The following ZNF736 variants were observed in gnomAD, a reference collection of about 807,000 sequenced individuals.
ZNF736 encodes the protein zinc finger protein 736.
In ZNF736, 6 loss-of-function variants were observed where a neutral mutation model predicts 11.7. The observed-to-expected ratio is 0.51, with a 90% CI of 0.28 to 1.01. The LOEUF (loss-of-function observed/expected upper bound fraction) is 1.01, where lower values mean the gene tolerates loss of function less well. Ranked by LOEUF, ZNF736 falls within the 50% of genes least tolerant of loss-of-function variation. ZNF736 has a pLI of 0.09. For missense variants in ZNF736, 444 were observed against 496.0 expected, an observed-to-expected ratio of 0.90 and a Z score of 1.00; for synonymous variants, 139 against 164.7, an observed-to-expected ratio of 0.84 and a Z score of 1.19.
chr7:64,348,745 T>C lies in ZNF736; in HGVS notation c.882T>C (p.Tyr294=). Residue 294 remains tyrosine, a synonymous_variant, in exon 4 of 4, where the codon TAT becomes TAC. Transcript: ENST00000423484. ...PYKCEECNKA[Y]RWFSDLAKHK... is the part of the protein sequence containing the mutation. ...AATGTGAAGAATGTAACAAAGCCTA[T>C]AGGTGGTTCTCAGACCTTGCTAAAC... 6.2e-7 allele frequency: 1 copy of C among 1,602,214 alleles called. No individual in the cohort carries two copies. Among genetic ancestry groups the C allele is most frequent in the Non-Finnish European group, 8.5e-7 (1 of 1,174,310 alleles).
In ZNF736 at chr7:64,314,069, CTACTA is replaced by C; in HGVS notation, c.-79_-75del. ...CCGTTCCTGGAGTTCCTCGGTGACT[CTACTA>C]TAGCTTCTGTTATCCTGTGACCTGC... On this transcript the variant is annotated 5_prime_UTR_variant, in exon 1 of 4. The change abolishes the stop of an existing upstream ORF in the 5' untranslated region. Transcript: ENST00000423484. 1 of 1,540,758 alleles carries C rather than the reference CTACTA, an allele frequency of 6.5e-7. No individual in the cohort carries two copies. Among genetic ancestry groups the C allele is most frequent in the Non-Finnish European group, 8.8e-7 (1 of 1,137,498 alleles).
intron 3 of ZNF736, among the ~76,000 whole-genome samples, chr7:64,347,607 T>C (rs1247188496): frequency 6.6e-6 from 1 of 152,190 alleles, no homozygotes; most frequent in East Asian, 1.9e-4. Context: ...TTTCTTCTCT[T>C]GTAACAGTCA....
chr7:64,324,952 C>A (rs994822512), intron 1 of ZNF736, among the ~76,000 whole-genome samples: 4 of 152,138 alleles, frequency 2.6e-5, no homozygotes, highest in African/African-American at 9.7e-5. Flanking sequence ...GCAGCTGTAA[C>A]CTTTGTTTTT....
chr7:64,348,612 A>G lies in ZNF736; in HGVS notation c.749A>G (p.Asn250Ser), dbSNP rs780049860. The change falls in exon 4 of 4, where the codon AAT becomes AGT. Residue 250 changes from asparagine (N) to serine (S), a missense_variant. Coordinates refer to ENST00000423484, the MANE Select transcript of ZNF736 (RefSeq NM_001170905.3). ...TCAACCCTTGTTAAACACAAGAGAA[A>G]TCATACTGGAGACAGACCCTACAAA... Reference protein sequence around the residue: ...CSSTLVKHKRNHTGDRPYKCE... With the variant: ...CSSTLVKHKRSHTGDRPYKCE... The G allele has an allele frequency of 1.9e-5, 31 of 1,600,706 alleles. No individual in the cohort carries two copies. The highest frequency in any genetic ancestry group is 6.7e-5 in the South Asian group (6 of 89,730).
chr7:64,316,322 G>C (rs1788917620), intron 1 of ZNF736, among the ~76,000 whole-genome samples: 1 of 152,140 alleles, frequency 6.6e-6, no homozygotes, highest in Admixed American at 6.5e-5. Flanking sequence ...CTCAATCCTA[G>C]TTTTCATTTC....
At chr7:64,325,622 C>T (rs1054295984) in intron 1 of ZNF736, among the ~76,000 whole-genome samples, 7 of 152,120 alleles carry the variant, frequency 4.6e-5, no homozygotes, top group African/African-American at 1.7e-4. Context: ...AAATACCAGA[C>T]TTAAATTATG....
intron 1 of ZNF736, 98 bp from the exon 2 acceptor site, chr7:64,336,161 C>T (rs1238390915): frequency 2.2e-6 from 3 of 1,373,868 alleles, no homozygotes; most frequent in Non-Finnish European, 3.0e-6. Flanking sequence ...TCCAGTAACT[C>T]ATATAAGTCA....
rs1408764142 is a variant in ZNF736, at chr7:64,319,488, C to CTTTTTTTTTTTT, written c.3+5335_3+5336insTTTTTTTTTTTT. 1.1e-4 allele frequency among the ~76,000 whole-genome samples: 8 copies of CTTTTTTTTTTTT among 75,248 alleles called. 3 individuals are homozygous for CTTTTTTTTTTTT. Among genetic ancestry groups the CTTTTTTTTTTTT allele is most frequent in the Admixed American group, 1.8e-4 (1 of 5,642 alleles). 49.4% of individuals were successfully genotyped at this position (75,248 alleles called of 152,430 possible). ...CCAGGTAAATAGAAAACATTTCTTC[C>CTTTTTTTTTTTT]CTTTTTTTTTTTTTTTTTTTTTTTT... On this transcript the variant is annotated intron_variant, in intron 1 of 3. Transcript: ENST00000423484.
chr7:64,348,942 A>G lies in ZNF736; in HGVS notation c.1079A>G (p.Lys360Arg). Residue 360 changes from lysine to arginine, a missense_variant, in exon 4 of 4, where the codon AAG becomes AGG. Transcript: ENST00000423484. ...CGCTCCTCAACCCTTTTTAACCACA[A>G]GAGAATTCATATGGAAGAGAGACCT... is the stretch of plus-strand genomic sequence containing the variant. ...FTRSSTLFNH[K>R]RIHMEERPYK... 6.3e-7 allele frequency: 1 copy of G among 1,597,560 alleles called. No individual in the cohort carries two copies. Among genetic ancestry groups the G allele is most frequent in the Non-Finnish European group, 8.5e-7 (1 of 1,171,382 alleles).
intron 1 of ZNF736, among the ~76,000 whole-genome samples, chr7:64,334,480 G>T (rs1789217612): frequency 6.6e-6 from 1 of 152,106 alleles, no homozygotes; most frequent in South Asian, 2.1e-4. Flanking sequence ...AGTGGGTGAA[G>T]GATGTAAACA....
chr7:64,319,189 A>T (rs1788958036), intron 1 of ZNF736, among the ~76,000 whole-genome samples: 1 of 151,630 alleles, frequency 6.6e-6, no homozygotes, highest in Non-Finnish European at 1.5e-5. Context: ...GTCTAGGGAG[A>T]GAGAAATTCA....
chr7:64,316,315 A>C (rs1467599778), intron 1 of ZNF736, among the ~76,000 whole-genome samples: 1 of 152,102 alleles, frequency 6.6e-6, no homozygotes, highest in East Asian at 1.9e-4. Flanking sequence ...TTTTCCCCTC[A>C]ATCCTAGTTT....
rs2115990467 is a variant in ZNF736, at chr7:64,354,095, T to G, written c.*4948T>G. On this transcript the variant is annotated 3_prime_UTR_variant, in exon 4 of 4. Transcript: ENST00000423484. Reference sequence around the variant, plus strand: ...ATTTAGAGAATATGGTTTCTACAACTTACATTTTTGTTTACTTGTAACTAC... The same window carrying G: ...ATTTAGAGAATATGGTTTCTACAACGTACATTTTTGTTTACTTGTAACTAC... 1 of 152,288 alleles carries G rather than the reference T, an allele frequency of 6.6e-6. No individual in the cohort carries two copies. The highest frequency in any genetic ancestry group is 1.5e-5 in the Non-Finnish European group (1 of 68,006). 9.4% of individuals were successfully genotyped at this position (152,288 alleles called of 1,614,324 possible).
At position 64,335,317 on chromosome 7, in the gene ZNF736, CAA is replaced by C. The variant is rs57726872; in HGVS notation, c.4-938_4-937del. On this transcript the variant is annotated intron_variant, in intron 1 of 3. Transcript: ENST00000423484. The stretch of plus-strand genomic sequence containing the variant: ...AAGTTTAAAAAAAAAAAAGTTTAGC[CAA>C]AAATTAGAGATTACAGAACATGGGA... Among the ~76,000 whole-genome samples the C allele has an allele frequency of 9.3e-3, 1,420 of 151,918 alleles. 24 individuals carry two copies. The highest frequency in any genetic ancestry group is 0.033 in the African/African-American group (1,364 of 41,418).
At chr7:64,343,967 AT>A (rs750989503) in intron 3 of ZNF736, among the ~76,000 whole-genome samples, 1 of 113,766 alleles carries the variant, frequency 8.8e-6, no homozygotes, top group African/African-American at 3.6e-5. Flanking sequence ...TTTTTTTTTT[AT>A]TTTTTTGTTA....
At chr7:64,340,975 G>A (rs1789328641) in intron 3 of ZNF736, among the ~76,000 whole-genome samples, 1 of 151,568 alleles carries the variant, frequency 6.6e-6, no homozygotes, top group African/African-American at 2.4e-5. Flanking sequence ...GAATACATTG[G>A]TCTCCTTAAT....
At chr7:64,345,382 C>T (rs1789395896) in intron 3 of ZNF736, among the ~76,000 whole-genome samples, 1 of 151,880 alleles carries the variant, frequency 6.6e-6, no homozygotes, top group Non-Finnish European at 1.5e-5. Context: ...CTTTAAGCAG[C>T]ATGGACATCT....
At position 64,349,219 on chromosome 7, in the gene ZNF736, G is replaced by C; in HGVS notation, c.*72G>C. 8.1e-7 allele frequency: 1 copy of C among 1,237,790 alleles called. No individual in the cohort carries two copies. Among genetic ancestry groups the C allele is most frequent in the South Asian group, 1.6e-5 (1 of 61,138 alleles). The allele number at this position is 1,237,790 out of a possible 1,614,324, so 76.7% of individuals were successfully genotyped here. ...TGAAATTTAATACTGAACAAATGCA[G>C]TATAAATGTAATGACAGTGGAAGAA... On this transcript the variant is annotated 3_prime_UTR_variant, in exon 4 of 4. Coordinates refer to ENST00000423484, the MANE Select transcript of ZNF736 (RefSeq NM_001170905.3).
chr7:64,324,002 T>A (rs1789043404), intron 1 of ZNF736, among the ~76,000 whole-genome samples: 4 of 152,252 alleles, frequency 2.6e-5, no homozygotes, highest in Admixed American at 2.6e-4. Context: ...TATCTCTTAA[T>A]GCAGTTATAT....
Sources: allele counts gnomAD v4.1 joint callset (sites outside exome capture counted in the v4.1 genomes callset), GRCh38; gene constraint gnomAD v4.1.1; transcripts MANE v1.5; gene names NCBI Gene and HGNC (gene_info 2026-07-23, HGNC 2026-07-21).